TNR: variants seen among roughly 807,000 people sequenced by gnomAD.
TNR encodes the protein tenascin R.
A neutral mutation model predicts 150.4 loss-of-function variants in TNR; 45 were observed. The ratio of observed to expected loss-of-function variants is 0.30; its 90% confidence interval spans 0.24 to 0.38. The LOEUF is 0.38. TNR is among the 10% of genes least tolerant of loss of function. TNR has a pLI of 1.00. For synonymous variants in TNR, 687 were observed against 678.4 expected (o/e 1.01, Z -0.20); for missense variants, 1,544 against 1,759.1 (o/e 0.88, Z 2.19).
intron 1 of TNR, among the ~76,000 whole-genome samples, chr1:175,598,123 C>G (rs1364184731): frequency 6.6e-6 from 1 of 152,168 alleles, no homozygotes; most frequent in East Asian, 1.9e-4. Context: ...AGGGACCGTC[C>G]TTGCATTAGT....
At chr1:175,577,466 T>C (rs984374308) in intron 1 of TNR, among the ~76,000 whole-genome samples, 2 of 152,166 alleles carry the variant, frequency 1.3e-5, no homozygotes, top group Non-Finnish European at 2.9e-5. Context: ...AATCAATTAC[T>C]CTTGCCATGA....
At chr1:175,731,060 A>T (rs938178363) in intron 1 of TNR, among the ~76,000 whole-genome samples, 1 of 152,216 alleles carries the variant, frequency 6.6e-6, no homozygotes, top group African/African-American at 2.4e-5. Flanking sequence ...TTGTAGTAAT[A>T]AGAGGACCTG....
chr1:175,442,602 C>A (rs1434105157), intron 2 of TNR, among the ~76,000 whole-genome samples: 1 of 151,724 alleles, frequency 6.6e-6, no homozygotes, highest in Non-Finnish European at 1.5e-5. Flanking sequence ...GAGATAGATG[C>A]ACACAGAGCA....
chr1:175,732,887 A>G (rs553094330), intron 1 of TNR, among the ~76,000 whole-genome samples: 27 of 152,328 alleles, frequency 1.8e-4, no homozygotes, highest in Non-Finnish European at 1.8e-4. Context: ...GCCTGAAAAT[A>G]GTTTTTGTCA....
At position 175,726,703 on chromosome 1, in the gene TNR, T is replaced by C. The variant is rs549601348; in HGVS notation, c.-165+16523A>G. Among the ~76,000 whole-genome samples, 63 of 152,350 alleles carry C rather than the reference T, an allele frequency of 4.1e-4. 1 individual carries two copies. The highest frequency in any genetic ancestry group is 1.5e-3 in the African/African-American group (61 of 41,596). On this transcript the variant is annotated intron_variant, in intron 1 of 22. Coordinates refer to ENST00000367674, the MANE Select transcript of TNR (RefSeq NM_003285.3). ...TTAAAGACCAAATCCAGGCCAATAATATAAAATATAAAAGAAAAATTGAAA... is the reference window on the plus strand; with the variant it reads ...TTAAAGACCAAATCCAGGCCAATAACATAAAATATAAAAGAAAAATTGAAA...
chr1:175,584,200 A>G (rs193139574), intron 1 of TNR, among the ~76,000 whole-genome samples: 109 of 152,296 alleles, frequency 7.2e-4, no homozygotes, highest in African/African-American at 2.6e-3. Flanking sequence ...GGGTAGGCCC[A>G]ATCCAATGTG....
Position 175,329,657 on chromosome 1 carries a change from G to T in TNR, c.3793+417C>A, listed in dbSNP as rs1215861236. On this transcript the variant is annotated intron_variant, in intron 21 of 22. Transcript: ENST00000367674. ...TTTTCCTGGATGTCATTGCATGGGA[G>T]ATTTCTACCCAGACAGTAGATGATT... Among the ~76,000 whole-genome samples, 8 of 152,332 alleles carry T rather than the reference G, an allele frequency of 5.3e-5. No homozygotes were observed. In the East Asian group the frequency reaches 1.5e-3, roughly 29 times the overall value.
chr1:175,432,256 T>A (rs1339112004), intron 2 of TNR, among the ~76,000 whole-genome samples: 1 of 152,178 alleles, frequency 6.6e-6, no homozygotes, highest in Non-Finnish European at 1.5e-5. Context: ...TGGTGAAAGC[T>A]GATGGCCAAA....
chr1:175,632,795 T>C (rs1345972029), intron 1 of TNR, among the ~76,000 whole-genome samples: 2 of 152,200 alleles, frequency 1.3e-5, no homozygotes, highest in Non-Finnish European at 2.9e-5. Context: ...ACCATACCGA[T>C]GGTACATGGG....
At chr1:175,538,168 G>A (rs1205745968) in intron 1 of TNR, among the ~76,000 whole-genome samples, 3 of 152,156 alleles carry the variant, frequency 2.0e-5, no homozygotes, top group African/African-American at 7.2e-5. Flanking sequence ...ACCATGGCTA[G>A]GGTGTTCACA....
At chr1:175,414,973 G>T (rs1161421015) in intron 2 of TNR, among the ~76,000 whole-genome samples, 1 of 151,114 alleles carries the variant, frequency 6.6e-6, no homozygotes, top group Non-Finnish European at 1.5e-5. Context: ...GAGGGAGAAT[G>T]AAATGAGCGT....
At chr1:175,686,258 T>C (rs1046843119) in intron 1 of TNR, among the ~76,000 whole-genome samples, 2 of 152,210 alleles carry the variant, frequency 1.3e-5, no homozygotes, top group Admixed American at 6.5e-5. Flanking sequence ...CTGATAAAAC[T>C]GAGAACTATT....
rs554261991 is a variant in TNR at position 175,455,726 on chromosome 1, C to T, written c.-63-48949G>A. Among the ~76,000 whole-genome samples the T allele has an allele frequency of 6.6e-5, 10 of 152,276 alleles. No homozygotes were observed. The South Asian group carries it at 2.1e-3, about 32-fold the overall frequency. ...GACATTCGAGGAAGAGAGGCAAGAA[C>T]TTGAGGTTGGCAATGATCTTGGAAA... On this transcript the variant is annotated intron_variant, in intron 2 of 22. Coordinates refer to ENST00000367674, the MANE Select transcript of TNR (RefSeq NM_003285.3).
At chr1:175,482,231 C>T (rs1157596294) in intron 2 of TNR, among the ~76,000 whole-genome samples, 1 of 152,180 alleles carries the variant, frequency 6.6e-6, no homozygotes, top group Non-Finnish European at 1.5e-5. Context: ...AATCAGCTTC[C>T]AAGATGACCG....
intron 2 of TNR, among the ~76,000 whole-genome samples, chr1:175,452,917 C>T (rs998165482): frequency 1.3e-5 from 2 of 151,952 alleles, no homozygotes; most frequent in South Asian, 2.1e-4. Context: ...ATGGATGAAC[C>T]GTGAAGTCAT....
At chr1:175,631,122 T>G (rs772415572) in intron 1 of TNR, among the ~76,000 whole-genome samples, 1 of 152,190 alleles carries the variant, frequency 6.6e-6, no homozygotes, top group Non-Finnish European at 1.5e-5. Context: ...AATGCCCAAG[T>G]CCAATCAGTC....
intron 1 of TNR, among the ~76,000 whole-genome samples, chr1:175,704,838 T>C (rs1008512215): frequency 6.6e-6 from 1 of 152,224 alleles, no homozygotes; most frequent in African/African-American, 2.4e-5. Flanking sequence ...TCAGATGATG[T>C]GTGCCTTCAC....
intron 2 of TNR, among the ~76,000 whole-genome samples, chr1:175,462,620 T>G (rs1416178834): frequency 6.6e-6 from 1 of 152,226 alleles, no homozygotes; most frequent in East Asian, 1.9e-4. Flanking sequence ...GATTCTGCAG[T>G]AAAACAAGCA....
intron 1 of TNR, among the ~76,000 whole-genome samples, chr1:175,586,953 G>T (rs552828015): frequency 6.6e-6 from 1 of 152,278 alleles, no homozygotes; most frequent in East Asian, 1.9e-4. Flanking sequence ...TGAAACATCA[G>T]CAACAGCCCA....
Sources: gnomAD v4.1 joint callset for allele counts (sites outside exome capture counted in the v4.1 genomes callset) on GRCh38, gnomAD v4.1.1 for gene constraint, MANE v1.5 for transcripts, NCBI Gene and HGNC (gene_info 2026-07-23, HGNC 2026-07-21) for gene names.